The following FAT2 variants were observed in gnomAD, a reference collection of about 807,000 sequenced individuals.
FAT2 encodes the protein protocadherin Fat 2.
A neutral mutation model predicts 295.3 loss-of-function variants in FAT2; 150 were observed. The ratio of observed to expected loss-of-function variants is 0.51; its 90% CI spans 0.44 to 0.58. FAT2 has a LOEUF of 0.58. Among genes scored for constraint, FAT2 ranks in the 20% least tolerant of loss-of-function variants. FAT2 has a pLI of 0.00. For missense variants in FAT2, 4,868 were observed against 5,442.7 expected (o/e 0.89, Z 3.32); for synonymous variants, 2,026 against 2,150.3 (o/e 0.94, Z 1.60).
chr5:151,533,437 C>T (rs548728855), intron 13 of FAT2, among the ~76,000 whole-genome samples: 2 of 150,502 alleles, frequency 1.3e-5, no homozygotes, highest in African/African-American at 4.9e-5. Context: ...CACACACACA[C>T]GCTTTCCAGG....
At chr5:151,575,645 G>C (rs1758716287) in intron 1 of FAT2, among the ~76,000 whole-genome samples, 1 of 152,190 alleles carries the variant, frequency 6.6e-6, no homozygotes, top group African/African-American at 2.4e-5. Context: ...TGAAATTGAG[G>C]CTTGGATAAT....
At chr5:151,538,086 AAC>A (rs1461216576) in intron 11 of FAT2, 140 bp from the exon 12 acceptor site, 2 of 637,926 alleles carry the variant, frequency 3.1e-6, no homozygotes, top group African/African-American at 3.6e-5. Flanking sequence ...CAGAAAAAAG[AAC>A]AGAGACAGAG....
At chr5:151,582,216 GC>G (rs1290714310) in intron 1 of FAT2, among the ~76,000 whole-genome samples, 1 of 152,240 alleles carries the variant, frequency 6.6e-6, no homozygotes, top group African/African-American at 2.4e-5. Flanking sequence ...ATGAGCCTCT[GC>G]CGGTGGGCTG....
chr5:151,560,633 A>T (rs1306765205), intron 3 of FAT2, among the ~76,000 whole-genome samples: 3 of 152,204 alleles, frequency 2.0e-5, no homozygotes, highest in Non-Finnish European at 4.4e-5. Context: ...CTGTATCTAC[A>T]CATAGTTTAC....
At chr5:151,534,738 CAG>C (rs1161829482) in intron 12 of FAT2, 96 bp from the exon 13 acceptor site, 1 of 1,070,984 alleles carries the variant, frequency 9.3e-7, no homozygotes, top group Non-Finnish European at 1.4e-6. Flanking sequence ...CCCAGCCACA[CAG>C]AGTTTTGTTC....
At chr5:151,533,340 A>C (rs1489845197) in intron 13 of FAT2, among the ~76,000 whole-genome samples, 23 of 151,596 alleles carry the variant, frequency 1.5e-4, no homozygotes, top group Admixed American at 1.5e-3. Flanking sequence ...CTCTCCTATC[A>C]AACCCATTTC....
chr5:151,575,513 G>T (rs543382864), intron 1 of FAT2, among the ~76,000 whole-genome samples: 78 of 152,320 alleles, frequency 5.1e-4, no homozygotes, highest in Non-Finnish European at 1.0e-3. Context: ...TCCTGGAGTT[G>T]TTGAGAAGGC....
At chr5:151,592,873 G>T (rs1759466623), upstream of FAT2, among the ~76,000 whole-genome samples, 1 of 152,188 alleles carries the variant, frequency 6.6e-6, no homozygotes, top group African/African-American at 2.4e-5. Context: ...TTATACAGGA[G>T]CAATGAGGCT....
intron 1 of FAT2, among the ~76,000 whole-genome samples, chr5:151,569,155 C>T (rs989341538): frequency 1.2e-4 from 18 of 152,124 alleles, no homozygotes; most frequent in African/African-American, 3.9e-4. Flanking sequence ...ACCTACAATG[C>T]ATAGGACAGT....
At chr5:151,551,977 GT>G (rs1171007877) in intron 6 of FAT2, among the ~76,000 whole-genome samples, 27 of 16,682 alleles carry the variant, frequency 1.6e-3, no homozygotes, top group African/African-American at 4.8e-3. Context: ...AACCCTAAGG[GT>G]GTGTGTGTGT....
In FAT2 at chr5:151,565,915, C is replaced by T. The variant is rs151294940; in HGVS notation, c.3017G>A (p.Arg1006Lys). 6.2e-6 allele frequency: 10 copies of T among 1,613,894 alleles called. No homozygotes were observed. Among genetic ancestry groups the T allele is most frequent in the African/African-American group, 4.0e-5 (3 of 74,908 alleles). The change falls in exon 2 of 24, where the codon AGG (arginine) becomes AAG (lysine). Residue 1006 changes from arginine (R) to lysine (K), a missense_variant. Arg to Lys is a conservative substitution (Grantham distance 26). Around this residue, in one of 5 missense-constraint regions of FAT2, gnomAD observed 3,297 missense variants for 3,669.4 expected, o/e 0.90. Transcript: ENST00000261800. ...NLSLWASDGG[R>K]PLARRTLCHV... ...GCAGAGAGTCCTGCGGGCTAGGGGC[C>T]TCCCACCATCACTGGCCCACAGGCT...
chr5:151,571,847 G>T (rs1402030318), intron 1 of FAT2, among the ~76,000 whole-genome samples: 1 of 152,202 alleles, frequency 6.6e-6, no homozygotes, highest in Non-Finnish European at 1.5e-5. Flanking sequence ...ACACTTTCCA[G>T]TGGCTTCCCA....
chr5:151,539,965 G>A (rs1755933593), intron 11 of FAT2, among the ~76,000 whole-genome samples: 1 of 152,248 alleles, frequency 6.6e-6, no homozygotes, highest in African/African-American at 2.4e-5. Context: ...CCCAGCAGAT[G>A]TGAGGAGGTG....
intron 19 of FAT2, among the ~76,000 whole-genome samples, chr5:151,519,800 G>A (rs75008185): frequency 6.6e-6 from 1 of 152,072 alleles, no homozygotes; most frequent in African/African-American, 2.4e-5. Context: ...GGTGATCCAT[G>A]AGTTTATCTA....
At position 151,524,154 on chromosome 5, in the gene FAT2, T is replaced by G. The variant is rs1429062164; in HGVS notation, c.10506+1614A>C. Among the ~76,000 whole-genome samples the G allele has an allele frequency of 6.6e-5, 10 of 152,222 alleles. 2 individuals are homozygous for G. The highest frequency in any genetic ancestry group is 5.9e-4 in the Admixed American group (9 of 15,298). ...CTTCCTGAGACACAAAGAGGATCCCTTTTCCGTCTGAAACCCTCCAACCAC... is the reference window on the plus strand; with the variant it reads ...CTTCCTGAGACACAAAGAGGATCCCGTTTCCGTCTGAAACCCTCCAACCAC... On this transcript the variant is annotated intron_variant, in intron 18 of 23. Transcript: ENST00000261800.
chr5:151,534,644 T>C lies in FAT2; in HGVS notation c.9194-2A>G, dbSNP rs1414725335. On this transcript the variant is annotated splice_acceptor_variant, in intron 12 of 23. Coordinates refer to ENST00000261800, the MANE Select transcript of FAT2 (RefSeq NM_001447.3). LOFTEE classifies it high-confidence loss of function. The stretch of plus-strand genomic sequence containing the variant: ...GGGCAGTGAGTGTGGTCAGCTCCCC[T>C]GGTCGGAGAAATGACAAAAGTTGAG... 1 of 1,602,136 alleles carries C rather than the reference T, an allele frequency of 6.2e-7. No individual in the cohort carries two copies. Among genetic ancestry groups the C allele is most frequent in the Non-Finnish European group, 8.5e-7 (1 of 1,170,074 alleles).
chr5:151,583,422 G>A (rs1019808325), intron 1 of FAT2, among the ~76,000 whole-genome samples: 6 of 152,044 alleles, frequency 3.9e-5, no homozygotes, highest in South Asian at 2.1e-4. Flanking sequence ...CACATAATAC[G>A]GGGCAAAAGA....
At chr5:151,528,166 G>T (rs925270392) in intron 15 of FAT2, 33 bp from the exon 16 acceptor site, 1 of 1,608,624 alleles carries the variant, frequency 6.2e-7, no homozygotes, top group African/African-American at 1.3e-5. Context: ...TGAATGGAGG[G>T]ACAGGAATCT....
chr5:151,551,622 G>A lies in FAT2; in HGVS notation c.4157-16C>T. 1 of 1,613,770 alleles carries A rather than the reference G, an allele frequency of 6.2e-7. No individual in the cohort carries two copies. Among genetic ancestry groups the A allele is most frequent in the Non-Finnish European group, 8.5e-7 (1 of 1,179,932 alleles). Reference sequence around the variant, plus strand: ...TTATCCCCACCTAGAGTGGGAGTGGGGAGAAAGCACACACAACCTCAGTGA... The same window carrying A: ...TTATCCCCACCTAGAGTGGGAGTGGAGAGAAAGCACACACAACCTCAGTGA... On this transcript the variant is annotated splice_polypyrimidine_tract_variant and intron_variant, in intron 6 of 23. Transcript: ENST00000261800.
Sources: allele counts gnomAD v4.1 joint callset (sites outside exome capture counted in the v4.1 genomes callset), GRCh38; gene constraint gnomAD v4.1.1; regional missense constraint gnomAD v4.1.1; transcripts MANE v1.5; gene names NCBI Gene and HGNC (gene_info 2026-07-23, HGNC 2026-07-21).